PIWIL2: variants seen among roughly 807,000 people sequenced by gnomAD.
PIWIL2 encodes piwi-like protein 2.
Under a neutral mutation model 116.5 loss-of-function variants are expected in PIWIL2, and 81 were observed. The observed-to-expected ratio is 0.70, with a 90% CI of 0.58 to 0.84. The LOEUF is 0.84. PIWIL2 is among the 40% of genes least tolerant of loss of function. The pLI, the probability that PIWIL2 is intolerant of heterozygous loss-of-function variation, is 0.00. For missense variants in PIWIL2, 1,272 were observed against 1,212.3 expected, an observed-to-expected ratio of 1.05 and a Z score of -0.73; for synonymous variants, 489 against 429.5, an observed-to-expected ratio of 1.14 and a Z score of -1.71.
At chr8:22,281,278 AT>A in intron 3 of PIWIL2, 71 bp downstream of exon 3, 1 of 1,550,718 alleles carries the variant, frequency 6.4e-7, no homozygotes, top group Non-Finnish European at 8.7e-7. Flanking sequence ...CAAATGGTTT[AT>A]TTTCAGAAAC....
intron 20 of PIWIL2, among the ~76,000 whole-genome samples, chr8:22,336,923 C>T (rs1831993810): frequency 6.6e-6 from 1 of 152,026 alleles, no homozygotes. Context: ...GGTAACATTG[C>T]CACTGACCTA....
rs1013272326 is a variant in PIWIL2, at chr8:22,321,940, A to G, written c.2403+3665A>G. The G allele has an allele frequency of 6.1e-6, 6 of 985,188 alleles. No individual in the cohort carries two copies. In the African/African-American group the frequency reaches 1.0e-4, roughly 17 times the overall value. The allele number at this position is 985,188 out of a possible 1,614,324, so 61.0% of individuals were successfully genotyped here. ...TTTGCATCACGGCTCGCTAGTCCAA[A>G]GCCCATTTTCTCCATTCTAAATCTC... On this transcript the variant is annotated intron_variant, in intron 20 of 22. Transcript: ENST00000356766.
At chr8:22,311,447 G>T in intron 16 of PIWIL2, 147 bp downstream of exon 16, 1 of 653,368 alleles carries the variant, frequency 1.5e-6, no homozygotes, top group Non-Finnish European at 2.5e-6. Context: ...TGATTGAAAA[G>T]TGTTCTTTAT....
At position 22,286,708 on chromosome 8, in the gene PIWIL2, A is replaced by G. The variant is rs961525219; in HGVS notation, c.744-820A>G. 5.3e-5 allele frequency among the ~76,000 whole-genome samples: 8 copies of G among 152,260 alleles called. No homozygotes were observed. In the East Asian group the frequency reaches 1.2e-3, roughly 22 times the overall value. On this transcript the variant is annotated intron_variant, in intron 6 of 22. Coordinates refer to ENST00000356766, the MANE Select transcript of PIWIL2 (RefSeq NM_018068.5). Reference sequence around the variant, plus strand: ...ACAGTCTTGCCTCAGTGCTACCTCCATCTCCCAGGCTGAAATGATTCTCAT... The same window carrying G: ...ACAGTCTTGCCTCAGTGCTACCTCCGTCTCCCAGGCTGAAATGATTCTCAT...
At chr8:22,339,486 GAC>G in intron 20 of PIWIL2, among the ~76,000 whole-genome samples, 1 of 150,788 alleles carries the variant, frequency 6.6e-6, no homozygotes, top group African/African-American at 2.5e-5. Flanking sequence ...CCAGCCTGGT[GAC>G]AGAGTGAGAC....
Position 22,353,068 on chromosome 8 carries a change from A to T in PIWIL2, c.2513A>T (p.Glu838Val). The T allele has an allele frequency of 6.2e-7, 1 of 1,614,198 alleles. No homozygotes were observed. ...YEIPQLQKCF[E>V]AFENYQPKMV... ...ATTCCTCAACTACAGAAGTGTTTTG[A>T]AGCTTTTGAGAATTATCAGCCCAAG... Residue 838 changes from glutamate to valine, a missense_variant, in exon 21 of 23, where the codon GAA (glutamate) becomes GTA (valine). Coordinates refer to ENST00000356766, the MANE Select transcript of PIWIL2 (RefSeq NM_018068.5).
In PIWIL2 at chr8:22,335,903, G is replaced by C. The variant is rs758185858; in HGVS notation, c.2404-17056G>C. Among the ~76,000 whole-genome samples, 269 of 152,132 alleles carry C rather than the reference G, an allele frequency of 1.8e-3. 1 individual carries two copies. The highest frequency in any genetic ancestry group is 2.9e-3 in the Non-Finnish European group (195 of 68,018). On this transcript the variant is annotated intron_variant, in intron 20 of 22. Transcript: ENST00000356766. ...AGATAACACTTGTAAGTAGAGACAA[G>C]GAGTGACATATTACAATAGCAAAAG...
chr8:22,328,470 A>G (rs1831778124), intron 20 of PIWIL2, among the ~76,000 whole-genome samples: 1 of 152,216 alleles, frequency 6.6e-6, no homozygotes, highest in African/African-American at 2.4e-5. Flanking sequence ...TCTGCAAAAA[A>G]AGGCCATTGA....
At chr8:22,339,991 A>G (rs375262134) in intron 20 of PIWIL2, among the ~76,000 whole-genome samples, 28 of 152,136 alleles carry the variant, frequency 1.8e-4, no homozygotes, top group African/African-American at 4.6e-4. Flanking sequence ...ATGCACATAG[A>G]TGCAAAAATC....
At chr8:22,320,209 T>A (rs375257540) in intron 20 of PIWIL2, among the ~76,000 whole-genome samples, 56 of 151,536 alleles carry the variant, frequency 3.7e-4, no homozygotes, top group African/African-American at 1.3e-3. Flanking sequence ...GATCCACGCT[T>A]CTCAGCCTCC....
intron 20 of PIWIL2, among the ~76,000 whole-genome samples, chr8:22,340,750 T>A (rs948907464): frequency 6.6e-6 from 1 of 152,164 alleles, no homozygotes; most frequent in African/African-American, 2.4e-5. Context: ...ACATAGAGTC[T>A]TTCTGTGTCA....
chr8:22,316,474 A>AT (rs887141706), intron 19 of PIWIL2, 141 bp downstream of exon 19: 3,749 of 532,688 alleles, frequency 7.0e-3, no homozygotes, highest in South Asian at 9.2e-3. Context: ...CTTCATGTGA[A>AT]TTTTTTTTTT....
intron 20 of PIWIL2, among the ~76,000 whole-genome samples, chr8:22,327,953 A>G (rs1037092111): frequency 2.0e-5 from 3 of 152,186 alleles, no homozygotes; most frequent in African/African-American, 7.2e-5. Flanking sequence ...TTAAATTTTG[A>G]TAACATGCAA....
Position 22,289,872 on chromosome 8 carries a change from C to G in PIWIL2, c.1012C>G (p.Leu338Val). Residue 338 changes from leucine (L) to valine (V), a missense_variant, in exon 9 of 23, where the codon CTT (leucine) becomes GTT (valine). Physicochemically the swap from Leu to Val is conservative, Grantham distance 32. Transcript: ENST00000356766. ...GGTAATGAAACTTTTAGATATGAAG[C>G]TTGTGGGGAGAAACTTTTATGACCC... ...RRVMKLLDMK[L>V]VGRNFYDPTS... 1 of 1,610,526 alleles carries G rather than the reference C, an allele frequency of 6.2e-7. No individual in the cohort carries two copies. Among genetic ancestry groups the G allele is most frequent in the East Asian group, 2.2e-5 (1 of 44,840 alleles).
chr8:22,341,478 C>A (rs142340439), intron 20 of PIWIL2, among the ~76,000 whole-genome samples: 3,956 of 151,578 alleles, frequency 0.026, 170 homozygotes, highest in African/African-American at 0.09. Flanking sequence ...ACCTGTAATC[C>A]CAGCTACTCA....
Position 22,314,349 on chromosome 8 carries a change from T to G in PIWIL2, c.2011T>G (p.Cys671Gly). The G allele has an allele frequency of 6.4e-7, 1 of 1,564,604 alleles. No homozygotes were observed. Among genetic ancestry groups the G allele is most frequent in the Non-Finnish European group, 8.7e-7 (1 of 1,152,360 alleles). ...GAEGKIQMVV[C>G]IIMGPRDDLY... is the part of the protein sequence containing the mutation. ...CAAGGGGAAGATACAGATGGTTGTT[T>G]GCATCATCATGGGCCCACGTGATGA... The change falls in exon 17 of 23, where the codon TGC (cysteine) becomes GGC (glycine). Residue 671 changes from cysteine to glycine, a missense_variant. Transcript: ENST00000356766.
rs753827510 is a variant in PIWIL2 at position 22,279,454 on chromosome 8, G to A, written c.68G>A (p.Arg23Gln). 11 of 1,613,988 alleles carry A rather than the reference G, an allele frequency of 6.8e-6. No homozygotes were observed. Among genetic ancestry groups the A allele is most frequent in the South Asian group, 6.6e-5 (6 of 91,088 alleles). The change falls in exon 2 of 23, where the codon CGG becomes CAG. Residue 23 changes from arginine to glutamine, a missense_variant. Arg to Gln is a conservative substitution (Grantham distance 43). Coordinates refer to ENST00000356766, the MANE Select transcript of PIWIL2 (RefSeq NM_018068.5). ...PIHPSQCQAV[R>Q]MPGCWPQASK... ...CACCCATCCCAGTGCCAGGCTGTAC[G>A]GATGCCAGGCTGTTGGCCACAAGCT... is the stretch of plus-strand genomic sequence containing the variant.
chr8:22,353,201 A>C lies in PIWIL2; in HGVS notation c.2646A>C (p.Thr882=). The change falls in exon 21 of 23, where the codon ACA becomes ACC. Residue 882 remains threonine, a synonymous_variant. Coordinates refer to ENST00000356766, the MANE Select transcript of PIWIL2 (RefSeq NM_018068.5). ...TPGTVVDHTI[T]SCEWVDFYLL... is the part of the protein sequence containing the mutation. ...GAACTGTGGTAGATCATACAATAAC[A>C]AGCTGTGAGTGGTAAGTGAGCAAAA... 6.2e-7 allele frequency: 1 copy of C among 1,611,592 alleles called. No homozygotes were observed. Among genetic ancestry groups the C allele is most frequent in the Non-Finnish European group, 8.5e-7 (1 of 1,178,028 alleles).
At chr8:22,320,794 C>T (rs1417328197) in intron 20 of PIWIL2, among the ~76,000 whole-genome samples, 3 of 151,384 alleles carry the variant, frequency 2.0e-5, no homozygotes, top group African/African-American at 7.3e-5. Context: ...GGTTTTGCCA[C>T]GTTGGCCAGG....
Sources: allele counts gnomAD v4.1 joint callset (sites outside exome capture counted in the v4.1 genomes callset), GRCh38; gene constraint gnomAD v4.1.1; transcripts MANE v1.5; gene names NCBI Gene and HGNC (gene_info 2026-07-23, HGNC 2026-07-21).